The following MSN variants were observed in gnomAD, a reference collection of about 807,000 sequenced individuals.
MSN encodes epididymis luminal protein 70.
In MSN, 2 loss-of-function variants were observed where a neutral mutation model predicts 48.0. The ratio of observed to expected loss-of-function variants is 0.04; its 90% CI spans 0.02 to 0.13. The LOEUF is 0.13. MSN is among the 10% of genes least tolerant of loss of function. The probability of loss-of-function intolerance (pLI) is 1.00; values close to 1 mark genes in which losing one functional copy is unlikely to be tolerated. For synonymous variants in MSN, 146 were observed against 166.9 expected, an observed-to-expected ratio of 0.87 and a Z score of 0.97; for missense variants, 267 against 470.1, an observed-to-expected ratio of 0.57 and a Z score of 3.99.
chrX:65,705,608 A>G (rs767267155), intron 1 of MSN, among the ~76,000 whole-genome samples: 1 of 112,354 alleles, frequency 8.9e-6, no homozygotes, highest in Non-Finnish European at 1.9e-5. Flanking sequence ...TGCTAAAGTG[A>G]CATCACTGTT....
At position 65,653,898 on chromosome X, in the gene MSN, C is replaced by G. The variant is rs778372404; in HGVS notation, c.-21-62920C>G. On this transcript the variant is annotated intron_variant, in intron 1 of 3. Transcript: ENST00000609672. ...AAGTGATTCTTTTGCCTCAGCCTCC[C>G]GAGTAGCTGGGATTACAGACGCCTG... 2.8e-5 allele frequency among the ~76,000 whole-genome samples: 3 copies of G among 106,432 alleles called. No homozygotes were observed. The South Asian group carries it at 1.2e-3, about 44-fold the overall frequency. The allele number at this position is 106,432 out of a possible 115,157, so 92.4% of individuals were successfully genotyped here. A position where few individuals can be genotyped will look rare whatever the true frequency, so the allele number is the denominator to read the frequency against.
chrX:65,729,833 T>C (rs1321387848), intron 4 of MSN, 121 bp downstream of exon 4: 1 of 714,360 alleles, frequency 1.4e-6, no homozygotes, highest in Non-Finnish European at 2.0e-6. Flanking sequence ...GTCTGAAGAC[T>C]GTGTTATGCT....
chrX:65,662,328 C>T (rs2070829758), intron 1 of MSN, among the ~76,000 whole-genome samples: 1 of 112,149 alleles, frequency 8.9e-6, no homozygotes, highest in African/African-American at 3.2e-5. Flanking sequence ...ATAGCCAAAA[C>T]AATCTTAAGC....
intron 1 of MSN, among the ~76,000 whole-genome samples, chrX:65,677,080 A>G (rs1252608565): frequency 4.5e-5 from 5 of 111,639 alleles, no homozygotes; most frequent in African/African-American, 1.6e-4. Context: ...TGCCTGCTTC[A>G]GCCTCCCAAA....
At chrX:65,649,261 A>G (rs977468466) in intron 1 of MSN, among the ~76,000 whole-genome samples, 1 of 77,431 alleles carries the variant, frequency 1.3e-5, no homozygotes, top group Non-Finnish European at 2.0e-5. Context: ...ATATATATGT[A>G]TATATATATA....
At chrX:65,598,847 G>A (rs868619129) in intron 1 of MSN, among the ~76,000 whole-genome samples, 1 of 112,165 alleles carries the variant, frequency 8.9e-6, no homozygotes, top group East Asian at 2.8e-4. Context: ...CTCTGAGGAC[G>A]AAGACATACA....
intron 1 of MSN, among the ~76,000 whole-genome samples, chrX:65,669,307 C>G (rs2070907280): frequency 9.0e-6 from 1 of 110,904 alleles, no homozygotes; most frequent in Non-Finnish European, 1.9e-5. Context: ...TTGGGTCTCT[C>G]TCTGTGGTTG....
At position 65,740,384 on chromosome X, in the gene MSN, G is replaced by T. The variant is rs1291091237; in HGVS notation, c.*491G>T. 5.7e-6 allele frequency: 1 copy of T among 175,115 alleles called. No individual in the cohort carries two copies. Among genetic ancestry groups the T allele is most frequent in the African/African-American group, 3.0e-5 (1 of 33,871 alleles). 14.4% of individuals were successfully genotyped at this position (175,115 alleles called of 1,213,427 possible). A position where few individuals can be genotyped will look rare whatever the true frequency, so the allele number is the denominator to read the frequency against. On this transcript the variant is annotated 3_prime_UTR_variant, in exon 13 of 13. Transcript: ENST00000360270. ...CAGGATGTCAACTGACCTAAAATTT[G>T]CCCTCCCATCCCGTTTAGAGTTATT...
chrX:65,600,406 G>A (rs2070225274), intron 1 of MSN, among the ~76,000 whole-genome samples: 1 of 111,746 alleles, frequency 8.9e-6, no homozygotes, highest in African/African-American at 3.3e-5. Context: ...ATCGGCTAAA[G>A]GAATGACTTC....
At chrX:65,615,754 G>A (rs753033651) in intron 1 of MSN, among the ~76,000 whole-genome samples, 1 of 110,421 alleles carries the variant, frequency 9.1e-6, no homozygotes, top group African/African-American at 3.3e-5. Flanking sequence ...CATTGCTTTT[G>A]GTGTTTTAGA....
At chrX:65,736,954 G>T (rs2147518651) in intron 9 of MSN, 29 bp downstream of exon 9, 1 of 1,205,599 alleles carries the variant, frequency 8.3e-7, no homozygotes, top group South Asian at 1.8e-5. Context: ...TTGGAGATTG[G>T]ATTTTTCCAG....
chrX:65,731,715 T>C, intron 5 of MSN, 123 bp from the exon 6 acceptor site: 1 of 798,694 alleles, frequency 1.3e-6, no homozygotes, highest in Non-Finnish European at 1.8e-6. Context: ...TGCTTGCCTT[T>C]TGTCCCCTTT....
chrX:65,693,835 C>T lies in MSN; in HGVS notation c.13-22983C>T, dbSNP rs1332257208. Among the ~76,000 whole-genome samples the T allele has an allele frequency of 5.4e-5, 6 of 111,589 alleles. No individual in the cohort carries two copies. The East Asian group carries it at 1.1e-3, about 21-fold the overall frequency. On this transcript the variant is annotated intron_variant, in intron 1 of 12. Transcript: ENST00000360270. ...TTGGGAGGCCGAGGCGGGCAGATCA[C>T]GAGGTCAGGAGATCCAGACCATCCT...
chrX:65,604,658 G>A (rs1418279932), intron 1 of MSN, among the ~76,000 whole-genome samples: 2 of 111,971 alleles, frequency 1.8e-5, no homozygotes, highest in African/African-American at 6.5e-5. Context: ...CTACCTCAGT[G>A]AATGGCTCCA....
At position 65,600,303 on chromosome X, in the gene MSN, G is replaced by A. The variant is rs776215483; in HGVS notation, c.-22+11691G>A. Among the ~76,000 whole-genome samples, 240 of 111,401 alleles carry A rather than the reference G, an allele frequency of 2.2e-3. 3 individuals are homozygous for A. The highest frequency in any genetic ancestry group is 7.7e-3 in the African/African-American group (236 of 30,625). On this transcript the variant is annotated intron_variant, in intron 1 of 3. Coordinates refer to the MSN transcript ENST00000609672. ...TGTTCGTGAGCAACCTCCTGCATAT[G>A]CATCTGTGTATGGATGTGCGTCTCC... is the stretch of plus-strand genomic sequence containing the variant.
intron 1 of MSN, among the ~76,000 whole-genome samples, chrX:65,634,763 C>T (rs1443583317): frequency 2.7e-5 from 3 of 112,159 alleles, no homozygotes; most frequent in East Asian, 2.8e-4. Flanking sequence ...TAGCTTTTTT[C>T]GCACTTGTTT....
chrX:65,644,375 C>T (rs2070679842), intron 1 of MSN, among the ~76,000 whole-genome samples: 1 of 111,132 alleles, frequency 9.0e-6, no homozygotes, highest in Admixed American at 9.7e-5. Flanking sequence ...AGATGGAGGC[C>T]TAGAGAGGTA....
intron 1 of MSN, among the ~76,000 whole-genome samples, chrX:65,673,506 G>A (rs1369068055): frequency 1.9e-5 from 2 of 108,019 alleles, no homozygotes; most frequent in Non-Finnish European, 3.8e-5. Context: ...TCAGGCTGGA[G>A]TGCAATGGCA....
intron 1 of MSN, among the ~76,000 whole-genome samples, chrX:65,713,246 A>T (rs1350181879): frequency 9.0e-6 from 1 of 111,335 alleles, no homozygotes; most frequent in Non-Finnish European, 1.9e-5. Context: ...TGCCCGTGAA[A>T]TCATGTGTGT....
Sources: gnomAD v4.1 joint callset for allele counts (sites outside exome capture counted in the v4.1 genomes callset) on GRCh38, gnomAD v4.1.1 for gene constraint, MANE v1.5 for transcripts, NCBI Gene and HGNC (gene_info 2026-07-23, HGNC 2026-07-21) for gene names.